Variants in EBF4 observed in about 807,000 individuals in gnomAD.
EBF4 encodes the protein transcription factor COE4.
A neutral mutation model predicts 67.1 loss-of-function variants in EBF4; 34 were observed. That is an observed-to-expected ratio of 0.51 (90% CI 0.39 to 0.67). EBF4 has a LOEUF of 0.67. Among genes scored for constraint, EBF4 ranks in the 30% least tolerant of loss-of-function variants. The pLI, the probability that EBF4 is intolerant of heterozygous loss-of-function variation, is 0.00. For missense variants in EBF4, 837 were observed against 873.3 expected (o/e 0.96, Z 0.52); for synonymous variants, 387 against 377.7 (o/e 1.02, Z -0.29).
At chr20:2,705,471 C>A in intron 1 of EBF4, 106 bp from the exon 2 acceptor site, 2 of 1,483,320 alleles carry the variant, frequency 1.3e-6, no homozygotes, top group Non-Finnish European at 1.8e-6. Flanking sequence ...AAACTCTTGG[C>A]ATCTTGGAGC....
intron 1 of EBF4, among the ~76,000 whole-genome samples, chr20:2,701,738 C>G (rs2146372974): frequency 6.6e-6 from 1 of 152,318 alleles, no homozygotes; most frequent in South Asian, 2.1e-4. Context: ...TGAGAGCCTT[C>G]CAGGCCCCTT....
intron 6 of EBF4, among the ~76,000 whole-genome samples, chr20:2,731,511 A>G (rs1388585714): frequency 6.6e-6 from 1 of 152,144 alleles, no homozygotes; most frequent in Admixed American, 6.5e-5. Flanking sequence ...CATTAGCCAC[A>G]CCCTGCTGCA....
intron 6 of EBF4, among the ~76,000 whole-genome samples, chr20:2,727,063 C>T (rs1339859084): frequency 1.3e-5 from 2 of 152,146 alleles, no homozygotes; most frequent in African/African-American, 4.8e-5. Context: ...TTTTACTTGG[C>T]ATACTGTCCT....
In EBF4 at chr20:2,697,924, G is replaced by C. The variant is rs1181702617; in HGVS notation, c.137+4142G>C. Among the ~76,000 whole-genome samples, 3 of 152,364 alleles carry C rather than the reference G, an allele frequency of 2.0e-5. No homozygotes were observed. The East Asian group carries it at 5.8e-4, about 29-fold the overall frequency. ...CCCTGCACACTAGCAGGGCCCCGGA[G>C]AGGGAGGCCAGCTGGGGCTGCCTTT... On this transcript the variant is annotated intron_variant, in intron 1 of 16. Transcript: ENST00000609451.
intron 6 of EBF4, among the ~76,000 whole-genome samples, chr20:2,724,355 T>A (rs568355186): frequency 6.6e-6 from 1 of 152,072 alleles, no homozygotes; most frequent in Non-Finnish European, 1.5e-5. Context: ...ATATGAATAA[T>A]TTTTTTTAAC....
At position 2,726,580 on chromosome 20, in the gene EBF4, C is replaced by CAAAAA. The variant is rs10681053; in HGVS notation, c.557+16945_557+16949dup. On this transcript the variant is annotated intron_variant, in intron 6 of 16. Coordinates refer to ENST00000609451, the Ensembl canonical transcript of EBF4. ...TAGGTGAGAAAGAAAGACCCTGTCT[C>CAAAAA]AAAAAAAAAAAGAAATATGATGCTG... 1.5e-3 allele frequency among the ~76,000 whole-genome samples: 218 copies of CAAAAA among 144,616 alleles called. 1 individual carries two copies. The highest frequency in any genetic ancestry group is 5.3e-3 in the African/African-American group (209 of 39,782). The allele number at this position is 144,616 out of a possible 152,430, so 94.9% of individuals were successfully genotyped here. A position where few individuals can be genotyped will look rare whatever the true frequency, so the allele number is the denominator to read the frequency against.
intron 1 of EBF4, among the ~76,000 whole-genome samples, chr20:2,701,890 G>A (rs2087380764): frequency 6.6e-6 from 1 of 152,230 alleles, no homozygotes; most frequent in African/African-American, 2.4e-5. Context: ...CTGGGAGCAG[G>A]AGGGAGGAGC....
At chr20:2,749,897 C>T in exon 10 of EBF4, 1 of 1,551,558 alleles carries the variant, frequency 6.4e-7, no homozygotes, top group Non-Finnish European at 8.7e-7. Flanking sequence ...GGCACATCCC[C>T]GGGGTGGTGG....
chr20:2,759,087 C>T, intron 16 of EBF4, 103 bp downstream of exon 16: 1 of 1,137,536 alleles, frequency 8.8e-7, no homozygotes, highest in Non-Finnish European at 1.3e-6. Context: ...CCGCTAGCAG[C>T]CCCACAGGGA....
chr20:2,754,326 G>A (rs2088204064), intron 14 of EBF4, among the ~76,000 whole-genome samples: 1 of 152,076 alleles, frequency 6.6e-6, no homozygotes, highest in African/African-American at 2.4e-5. Flanking sequence ...TGTTTGCTTG[G>A]GTCTCTCTTT....
At chr20:2,709,707 C>A in intron 6 of EBF4, 65 bp downstream of exon 6, 2 of 1,436,888 alleles carry the variant, frequency 1.4e-6, no homozygotes, top group Non-Finnish European at 1.9e-6. Context: ...CTGTTTTCAA[C>A]CACAGAGCAC....
At chr20:2,758,159 C>G (rs1202516450) in intron 15 of EBF4, among the ~76,000 whole-genome samples, 5 of 152,186 alleles carry the variant, frequency 3.3e-5, no homozygotes, top group African/African-American at 2.4e-5. Flanking sequence ...CCTCTGGGGA[C>G]TGTCTTTTCT....
exon 16 of EBF4, chr20:2,758,930 A>T (rs1273579680): frequency 6.4e-7 from 1 of 1,551,740 alleles, no homozygotes; most frequent in South Asian, 1.2e-5. Context: ...GAGGATTCTG[A>T]CAAGTTTCAC....
At chr20:2,722,950 A>G (rs1371043551) in intron 6 of EBF4, among the ~76,000 whole-genome samples, 2 of 152,188 alleles carry the variant, frequency 1.3e-5, no homozygotes, top group African/African-American at 4.8e-5. Flanking sequence ...ACACATGTCC[A>G]TTAAATCAAG....
intron 10 of EBF4, among the ~76,000 whole-genome samples, chr20:2,750,358 G>A (rs1038064471): frequency 2.6e-5 from 4 of 152,136 alleles, no homozygotes; most frequent in African/African-American, 9.7e-5. Flanking sequence ...GCTGCTCCCC[G>A]AATCTTCTCT....
chr20:2,695,415 C>T (rs552353284), intron 1 of EBF4, among the ~76,000 whole-genome samples: 37 of 152,290 alleles, frequency 2.4e-4, no homozygotes, highest in Non-Finnish European at 4.7e-4. Context: ...GTGGTGTCTG[C>T]GCATAGTGGG....
intron 1 of EBF4, among the ~76,000 whole-genome samples, chr20:2,699,195 G>A (rs1477869102): frequency 1.3e-5 from 2 of 152,196 alleles, no homozygotes; most frequent in African/African-American, 4.8e-5. Flanking sequence ...CACCTCTGCA[G>A]CTGCTGGCAT....
rs1412561282 is a variant in EBF4, at chr20:2,693,618, CG to C, written c.-23del. On this transcript the variant is annotated 5_prime_UTR_variant, in exon 1 of 17. Transcript: ENST00000609451. This position sits in a 1 kb window ranked among gnomAD's most constrained non-coding sequence, Gnocchi z 4.6. ...CTCAGCGGGACCGGATCCGGGGCGG[CG>C]GGGGCGCTCACTCACCGCGCGCCCT... 7 of 1,363,744 alleles carry C rather than the reference CG, an allele frequency of 5.1e-6. No homozygotes were observed. Among genetic ancestry groups the C allele is most frequent in the Non-Finnish European group, 6.6e-6 (7 of 1,061,828 alleles). The allele number at this position is 1,363,744 out of a possible 1,614,324, so 84.5% of individuals were successfully genotyped here.
At chr20:2,749,301 A>G in intron 7 of EBF4, 100 bp from the exon 8 acceptor site, 2 of 885,256 alleles carry the variant, frequency 2.3e-6, no homozygotes, top group Non-Finnish European at 3.4e-6. Flanking sequence ...CCTAAATTCC[A>G]GCATCCAACC....
Sources: allele counts gnomAD v4.1 joint callset (sites outside exome capture counted in the v4.1 genomes callset), GRCh38; gene constraint gnomAD v4.1.1; non-coding constraint Gnocchi (gnomAD v3.1); transcripts MANE v1.5; gene names NCBI Gene and HGNC (gene_info 2026-07-23, HGNC 2026-07-21).